Variants in PRKG1 observed in about 807,000 individuals in gnomAD.
PRKG1 encodes cGMP-dependent protein kinase 1.
In PRKG1, 35 loss-of-function variants were observed where a neutral mutation model predicts 88.1. The ratio of observed to expected loss-of-function variants is 0.40; its 90% CI spans 0.30 to 0.53. The LOEUF (loss-of-function observed/expected upper bound fraction) is 0.53, where lower values mean the gene tolerates loss of function less well. PRKG1 is among the 20% of genes least tolerant of loss of function. The pLI, the probability that PRKG1 is intolerant of heterozygous loss-of-function variation, is 0.59. For synonymous variants in PRKG1, 303 were observed against 292.5 expected (o/e 1.04, Z -0.37); for missense variants, 540 against 839.8 (o/e 0.64, Z 4.41).
chr10:51,921,664 A>G (rs1419056493), intron 5 of PRKG1, among the ~76,000 whole-genome samples: 1 of 152,072 alleles, frequency 6.6e-6, no homozygotes, highest in African/African-American at 2.4e-5. Flanking sequence ...GTATCTACTG[A>G]TAGGATCATG....
chr10:51,186,744 G>A (rs1837497293), intron 2 of PRKG1, among the ~76,000 whole-genome samples: 1 of 151,644 alleles, frequency 6.6e-6, no homozygotes, highest in South Asian at 2.1e-4. Context: ...TTAATTAGCT[G>A]TATGTCTGCA....
intron 3 of PRKG1, among the ~76,000 whole-genome samples, chr10:51,802,239 T>C (rs955012811): frequency 2.6e-5 from 4 of 152,134 alleles, no homozygotes; most frequent in African/African-American, 9.7e-5. Flanking sequence ...ACTTGACTAA[T>C]ATGTATGTTG....
At position 51,305,294 on chromosome 10, in the gene PRKG1, A is replaced by G. The variant is rs1841007790; in HGVS notation, c.478+151964A>G. On this transcript the variant is annotated intron_variant, in intron 2 of 17. Coordinates refer to ENST00000373980, the MANE Select transcript of PRKG1 (RefSeq NM_006258.4). ...TTTTAGAAAAAGAACAGTAACCTTT[A>G]AGGATAGGCCTCCTATCCTGCTTTA... Among the ~76,000 whole-genome samples, 3 of 152,168 alleles carry G rather than the reference A, an allele frequency of 2.0e-5. No individual in the cohort carries two copies. In the South Asian group the frequency reaches 6.2e-4, roughly 32 times the overall value.
At chr10:51,629,469 AG>A (rs1839469327) in intron 3 of PRKG1, among the ~76,000 whole-genome samples, 2 of 151,730 alleles carry the variant, frequency 1.3e-5, no homozygotes, top group Admixed American at 1.3e-4. Flanking sequence ...GGGTGATGGG[AG>A]ACAGCGACAC....
intron 9 of PRKG1, among the ~76,000 whole-genome samples, chr10:52,189,197 A>G (rs1255100121): frequency 6.6e-6 from 1 of 152,212 alleles, no homozygotes; most frequent in Non-Finnish European, 1.5e-5. Flanking sequence ...GTTTGCAAGT[A>G]TCTATCGATT....
chr10:51,922,536 C>T (rs1044956765), intron 5 of PRKG1, among the ~76,000 whole-genome samples: 1 of 151,698 alleles, frequency 6.6e-6, no homozygotes, highest in African/African-American at 2.4e-5. Flanking sequence ...TCATTCAATG[C>T]TGTAATATTT....
chr10:52,267,429 T>C (rs767857744), intron 10 of PRKG1, among the ~76,000 whole-genome samples: 8 of 152,060 alleles, frequency 5.3e-5, no homozygotes, highest in Non-Finnish European at 1.2e-4. Context: ...TATTACAATT[T>C]AAAAGAGACT....
At chr10:51,297,947 T>C (rs1038565870) in intron 2 of PRKG1, among the ~76,000 whole-genome samples, 2 of 152,130 alleles carry the variant, frequency 1.3e-5, no homozygotes, top group African/African-American at 4.8e-5. Flanking sequence ...TGTCCTTACC[T>C]ACACTTGTTA....
At chr10:51,650,021 C>T (rs1394175375) in intron 3 of PRKG1, among the ~76,000 whole-genome samples, 1 of 152,164 alleles carries the variant, frequency 6.6e-6, no homozygotes, top group East Asian at 1.9e-4. Context: ...GCCCGAGAGT[C>T]ACCATCTTCT....
intron 2 of PRKG1, among the ~76,000 whole-genome samples, chr10:51,378,896 G>A (rs893768729): frequency 6.6e-6 from 1 of 152,146 alleles, no homozygotes; most frequent in African/African-American, 2.4e-5. Flanking sequence ...GTGTATTAAT[G>A]CAGAATGGTG....
intron 1 of PRKG1, among the ~76,000 whole-genome samples, chr10:50,996,630 G>A (rs146426515): frequency 1.1e-3 from 164 of 152,248 alleles, no homozygotes; most frequent in African/African-American, 3.8e-3. Context: ...AACTTCTCTA[G>A]CTCAGTGCTG....
chr10:51,552,056 G>C (rs1052854358), intron 3 of PRKG1, among the ~76,000 whole-genome samples: 1 of 151,576 alleles, frequency 6.6e-6, no homozygotes, highest in African/African-American at 2.4e-5. Flanking sequence ...TTTGTAAATA[G>C]TACTTAATAT....
chr10:51,304,157 CA>C (rs1649123293), intron 2 of PRKG1, among the ~76,000 whole-genome samples: 1 of 152,040 alleles, frequency 6.6e-6, no homozygotes, highest in South Asian at 2.1e-4. Context: ...CATTGGGTTT[CA>C]GTGGTCCAAA....
intron 5 of PRKG1, among the ~76,000 whole-genome samples, chr10:52,033,607 AACT>A (rs1240278415): frequency 1.3e-5 from 2 of 152,150 alleles, no homozygotes; most frequent in African/African-American, 4.8e-5. Context: ...CTACCATTAC[AACT>A]ACTATTACCA....
intron 7 of PRKG1, among the ~76,000 whole-genome samples, chr10:52,080,965 T>C (rs753010948): frequency 5.3e-5 from 8 of 152,162 alleles, no homozygotes; most frequent in Non-Finnish European, 1.0e-4. Context: ...AAACTCCTGA[T>C]AGAATAGGCT....
rs942217891 is a variant in PRKG1, at chr10:52,134,001, T to G, written c.1001+96T>G. On this transcript the variant is annotated intron_variant, in intron 8 of 17. Transcript: ENST00000373980. ...CATCATTTTATGGAGCTATTAATAC[T>G]TGTTTTATATCTTTTCATTTTTAAA... is the stretch of plus-strand genomic sequence containing the variant. 2.2e-5 allele frequency: 20 copies of G among 895,108 alleles called. No homozygotes were observed. The African/African-American group carries it at 3.2e-4, about 15-fold the overall frequency. 55.4% of individuals were successfully genotyped at this position (895,108 alleles called of 1,614,324 possible).
At chr10:51,594,730 G>T (rs1359773811) in intron 3 of PRKG1, among the ~76,000 whole-genome samples, 2 of 152,114 alleles carry the variant, frequency 1.3e-5, no homozygotes, top group Non-Finnish European at 2.9e-5. Flanking sequence ...TATCACAGTG[G>T]CCTGGGGGAT....
At chr10:51,090,971 G>A (rs1286858627) in intron 1 of PRKG1, among the ~76,000 whole-genome samples, 1 of 152,134 alleles carries the variant, frequency 6.6e-6, no homozygotes, top group Non-Finnish European at 1.5e-5. Flanking sequence ...CATAATCTTA[G>A]CTTATAAATG....
chr10:51,097,938 C>T lies in PRKG1; in HGVS notation c.311+23037C>T, dbSNP rs556034409. ...TAGCTTTTCTGGATCTCCTCCACCC[C>T]CAGTTAACTGGAAAAAAACTAGCCT... On this transcript the variant is annotated intron_variant, in intron 1 of 17. Transcript: ENST00000373980. Among the ~76,000 whole-genome samples the T allele has an allele frequency of 5.8e-5, 4 of 68,902 alleles. No homozygotes were observed. The East Asian group carries it at 2.1e-3, about 37-fold the overall frequency. 45.2% of individuals were successfully genotyped at this position (68,902 alleles called of 152,430 possible). A position where few individuals can be genotyped will look rare whatever the true frequency, so the allele number is the denominator to read the frequency against.
Sources: gnomAD v4.1 joint callset for allele counts (sites outside exome capture counted in the v4.1 genomes callset) on GRCh38, gnomAD v4.1.1 for gene constraint, MANE v1.5 for transcripts, NCBI Gene and HGNC (gene_info 2026-07-23, HGNC 2026-07-21) for gene names.